The following GASK1A variants were observed in gnomAD, a reference collection of about 807,000 sequenced individuals.
GASK1A encodes the protein golgi associated kinase 1A, also known as Golgi-associated kinase 1A.
A neutral mutation model predicts 41.2 loss-of-function variants in GASK1A; 40 were observed. The ratio of observed to expected loss-of-function variants is 0.97; its 90% CI spans 0.75 to 1.27. The LOEUF is 1.27. Ranked by LOEUF, GASK1A falls within the 50% of genes most tolerant of loss-of-function variation. The pLI is 0.00. For synonymous variants in GASK1A, 316 were observed against 307.1 expected (o/e 1.03, Z -0.30); for missense variants, 678 against 745.1 (o/e 0.91, Z 1.05).
At chr3:42,980,009 A>T (rs2089274585) in intron 1 of GASK1A, among the ~76,000 whole-genome samples, 1 of 152,112 alleles carries the variant, frequency 6.6e-6, no homozygotes, top group Non-Finnish European at 1.5e-5. Flanking sequence ...GATGCTTTTG[A>T]AGTCATTTTA....
At chr3:43,037,478 T>C (rs2089610076) in intron 2 of GASK1A, 1 of 598,690 alleles carries the variant, frequency 1.7e-6, no homozygotes, top group South Asian at 2.6e-5. Context: ...GAGTGAAGGA[T>C]GCTGGAAGGG....
intron 2 of GASK1A, among the ~76,000 whole-genome samples, chr3:43,048,888 A>G (rs1412369222): frequency 6.6e-6 from 1 of 152,198 alleles, no homozygotes; most frequent in Non-Finnish European, 1.5e-5. Flanking sequence ...GGATGAAGGA[A>G]AATTCAGGGG....
At chr3:42,997,862 G>C (rs935575282) in intron 1 of GASK1A, among the ~76,000 whole-genome samples, 10 of 152,238 alleles carry the variant, frequency 6.6e-5, no homozygotes, top group African/African-American at 2.4e-4. Context: ...GACAGGGAAG[G>C]CAGCCAGTGC....
intron 1 of GASK1A, among the ~76,000 whole-genome samples, chr3:43,005,836 G>A (rs2089433100): frequency 6.6e-6 from 1 of 152,212 alleles, no homozygotes; most frequent in South Asian, 2.1e-4. Flanking sequence ...CAAAGTGTGT[G>A]ATAAGTGCTT....
At chr3:42,987,378 T>C (rs1347345046) in intron 1 of GASK1A, among the ~76,000 whole-genome samples, 1 of 152,120 alleles carries the variant, frequency 6.6e-6, no homozygotes, top group Admixed American at 6.5e-5. Flanking sequence ...GAAAGGAACG[T>C]GAGCTGGTAC....
intron 1 of GASK1A, among the ~76,000 whole-genome samples, chr3:42,983,209 C>T (rs1485187613): frequency 1.3e-5 from 2 of 152,066 alleles, no homozygotes; most frequent in African/African-American, 4.8e-5. Flanking sequence ...TGAACCTTAG[C>T]CCCTTATCTG....
At chr3:43,024,177 T>C (rs140710502) in intron 1 of GASK1A, among the ~76,000 whole-genome samples, 320 of 152,348 alleles carry the variant, frequency 2.1e-3, no homozygotes, top group African/African-American at 7.4e-3. Flanking sequence ...AGCATACCTT[T>C]CGTGTGCAAA....
At chr3:43,020,503 G>T (rs1025545474) in intron 1 of GASK1A, among the ~76,000 whole-genome samples, 7 of 152,174 alleles carry the variant, frequency 4.6e-5, no homozygotes, top group Non-Finnish European at 8.8e-5. Flanking sequence ...TGAGGGAGGG[G>T]TGCTAGGCTT....
intron 1 of GASK1A, among the ~76,000 whole-genome samples, chr3:42,997,861 G>A (rs1483860831): frequency 6.6e-6 from 1 of 152,210 alleles, no homozygotes; most frequent in Non-Finnish European, 1.5e-5. Flanking sequence ...AGACAGGGAA[G>A]GCAGCCAGTG....
At chr3:43,002,445 C>T (rs911589434) in intron 1 of GASK1A, among the ~76,000 whole-genome samples, 3 of 152,100 alleles carry the variant, frequency 2.0e-5, no homozygotes, top group African/African-American at 7.2e-5. Context: ...TTTTATTGGT[C>T]CAAGTGATCT....
chr3:43,036,392 A>T (rs2089604494), intron 2 of GASK1A, among the ~76,000 whole-genome samples: 1 of 152,192 alleles, frequency 6.6e-6, no homozygotes, highest in African/African-American at 2.4e-5. Flanking sequence ...AACTGCATAC[A>T]GCCCACTCTT....
intron 1 of GASK1A, among the ~76,000 whole-genome samples, chr3:42,988,660 T>C (rs1458533682): frequency 6.6e-6 from 1 of 152,180 alleles, no homozygotes; most frequent in Non-Finnish European, 1.5e-5. Flanking sequence ...GAGCATGCCA[T>C]GCAGCGGGGC....
At chr3:42,991,852 C>T (rs2089342518) in intron 1 of GASK1A, among the ~76,000 whole-genome samples, 1 of 152,104 alleles carries the variant, frequency 6.6e-6, no homozygotes, top group African/African-American at 2.4e-5. Flanking sequence ...GGACCTGGAC[C>T]CCAGCTCAGG....
intron 1 of GASK1A, among the ~76,000 whole-genome samples, chr3:42,983,310 C>T (rs746137956): frequency 1.4e-4 from 21 of 152,188 alleles, no homozygotes; most frequent in South Asian, 2.1e-4. Flanking sequence ...GCTTTACAAA[C>T]GACCCACAAA....
At chr3:43,016,210 G>A (rs2089490420) in intron 1 of GASK1A, among the ~76,000 whole-genome samples, 1 of 151,994 alleles carries the variant, frequency 6.6e-6, no homozygotes, top group Admixed American at 6.6e-5. Flanking sequence ...GCAGTGTGAA[G>A]TCTCAGGTAG....
chr3:43,034,175 TA>T (rs1207747543), intron 2 of GASK1A, among the ~76,000 whole-genome samples: 12 of 152,186 alleles, frequency 7.9e-5, no homozygotes, highest in Non-Finnish European at 4.4e-5. Flanking sequence ...GTATCATTTT[TA>T]AAAAAGAGAG....
At chr3:42,980,552 G>A (rs1279746757) in intron 1 of GASK1A, among the ~76,000 whole-genome samples, 1 of 152,146 alleles carries the variant, frequency 6.6e-6, no homozygotes, top group Non-Finnish European at 1.5e-5. Flanking sequence ...GATGCTTTGT[G>A]GGGAGTTTTG....
chr3:43,045,086 T>C (rs1575451285), intron 2 of GASK1A, among the ~76,000 whole-genome samples: 1 of 152,208 alleles, frequency 6.6e-6, no homozygotes, highest in East Asian at 1.9e-4. Context: ...GCATCAAGTG[T>C]AGCTGTGATG....
In GASK1A at chr3:43,033,114, C is replaced by T. The variant is rs1226217489; in HGVS notation, c.851C>T (p.Pro284Leu). 6.4e-7 allele frequency: 1 copy of T among 1,551,014 alleles called. No individual in the cohort carries two copies. Among genetic ancestry groups the T allele is most frequent in the East Asian group, 2.4e-5 (1 of 40,924 alleles). ...QGEVVDKARV[P>L]AHGQVLQVGF... ...GAGGTGGTGGACAAAGCCAGGGTCC[C>T]CGCCCATGGGCAGGTGCTACAGGTT... The change falls in exon 2 of 5, where the codon CCC becomes CTC. Residue 284 changes from proline (P) to leucine (L), a missense_variant. Coordinates refer to ENST00000430121, the MANE Select transcript of GASK1A (RefSeq NM_001129908.3).
Sources: allele counts gnomAD v4.1 joint callset (sites outside exome capture counted in the v4.1 genomes callset), GRCh38; gene constraint gnomAD v4.1.1; transcripts MANE v1.5; gene names NCBI Gene and HGNC (gene_info 2026-07-23, HGNC 2026-07-21).